The following SEPTIN1 variants were observed in gnomAD, a reference collection of about 807,000 sequenced individuals.
SEPTIN1 encodes septin 1.
SEPTIN1 carries 52 observed loss-of-function variants against 50.7 expected under a neutral mutation model. The observed-to-expected ratio is 1.03, with a 90% confidence interval of 0.82 to 1.29. SEPTIN1 has a LOEUF of 1.29. Among genes scored for constraint, SEPTIN1 ranks in the 50% most tolerant of loss-of-function variants. The pLI is 0.00. For missense variants in SEPTIN1, 455 were observed against 490.7 expected (o/e 0.93, Z 0.69); for synonymous variants, 204 against 189.1 (o/e 1.08, Z -0.65).
intron 9 of SEPTIN1, 27 bp from the exon 10 acceptor site, chr16:30,378,727 AAT>A: frequency 6.3e-6 from 10 of 1,596,560 alleles, no homozygotes; most frequent in Non-Finnish European, 8.5e-6. Flanking sequence ...AGGGGACAGG[AAT>A]CAGGAGCGGG....
At chr16:30,379,555 G>A in intron 7 of SEPTIN1, 21 bp from the exon 8 acceptor site, 1 of 1,584,514 alleles carries the variant, frequency 6.3e-7, no homozygotes, top group South Asian at 1.1e-5. Context: ...GGGGGCAGGG[G>A]TTCACCATTG....
intron 6 of SEPTIN1, chr16:30,380,499 A>G (rs1006090038): frequency 6.4e-6 from 1 of 156,468 alleles, no homozygotes; most frequent in Admixed American, 6.2e-5. Flanking sequence ...ATGGGGTTTT[A>G]CCATGTTGCC....
chr16:30,379,596 G>T (rs907113565), intron 7 of SEPTIN1, 62 bp from the exon 8 acceptor site: 36 of 1,039,276 alleles, frequency 3.5e-5, no homozygotes, highest in Non-Finnish European at 4.5e-5. Flanking sequence ...CTCTTTCCCA[G>T]CTTCAATCTC....
Position 30,378,476 on chromosome 16 carries a change from C to T in SEPTIN1, c.1077G>A (p.Met359Ile), listed in dbSNP as rs1211314160. The T allele has an allele frequency of 6.3e-7, 1 of 1,576,388 alleles. No homozygotes were observed. The highest frequency in any genetic ancestry group is 1.9e-5 in the Admixed American group (1 of 52,656). ...QEMLEKMQAQ[M>I]QQSQAQGEQS... is the part of the protein sequence containing the mutation. ...GCTCGCCCTGGGCCTGGCTCTGCTG[C>T]ATTTGGGCCTGCATCTTCTCCAGCA... Residue 359 changes from methionine (M) to isoleucine (I), a missense_variant, in exon 11 of 11, where the codon ATG becomes ATA. Physicochemically the swap from Met to Ile is conservative, Grantham distance 10. Transcript: ENST00000321367.
At chr16:30,380,188 A>C in intron 6 of SEPTIN1, 155 bp from the exon 7 acceptor site, 1 of 503,002 alleles carries the variant, frequency 2.0e-6, no homozygotes, top group Non-Finnish European at 3.4e-6. Flanking sequence ...ACAGGAAGAC[A>C]AAAACAAAAT....
Position 30,378,691 on chromosome 16 carries a change from G to A in SEPTIN1, c.951C>T (p.Ser317=), listed in dbSNP as rs1450453197. The change falls in exon 10 of 11, where the codon TCC becomes TCT. Residue 317 remains serine, a synonymous_variant. Transcript: ENST00000321367. ...ARDRASRSKL[S]RQSATEIPLP... ...GCGGGATCTCTGTGGCGCTCTGGCGGGAAAGCTTACTGCGGGACAGTGGGA... is the reference window on the plus strand; with the variant it reads ...GCGGGATCTCTGTGGCGCTCTGGCGAGAAAGCTTACTGCGGGACAGTGGGA... 3 of 1,608,026 alleles carry A rather than the reference G, an allele frequency of 1.9e-6. No homozygotes were observed. Among genetic ancestry groups the A allele is most frequent in the Non-Finnish European group, 2.5e-6 (3 of 1,179,830 alleles).
At position 30,382,411 on chromosome 16, in the gene SEPTIN1, A is replaced by G. The variant is rs1211158014; in HGVS notation, c.19-46T>C. The G allele has an allele frequency of 6.4e-7, 1 of 1,571,738 alleles. No homozygotes were observed. Among genetic ancestry groups the G allele is most frequent in the Non-Finnish European group, 8.7e-7 (1 of 1,149,170 alleles). Reference sequence around the variant, plus strand: ...TATGAGGCTGCTGGCAATGGCAGGCAGGGTCCCCAGGATCACTTGAGTTCC... The same window carrying G: ...TATGAGGCTGCTGGCAATGGCAGGCGGGGTCCCCAGGATCACTTGAGTTCC... On this transcript the variant is annotated intron_variant, in intron 1 of 10. Coordinates refer to ENST00000321367, the MANE Select transcript of SEPTIN1 (RefSeq NM_001365977.2). This position sits in a 1 kb window ranked among gnomAD's most constrained non-coding sequence, Gnocchi z 4.8.
Position 30,382,062 on chromosome 16 carries a change from T to C in SEPTIN1, c.196+31A>G. 6.3e-7 allele frequency: 1 copy of C among 1,580,910 alleles called. No homozygotes were observed. The highest frequency in any genetic ancestry group is 8.6e-7 in the Non-Finnish European group (1 of 1,162,110). On this transcript the variant is annotated intron_variant, in intron 3 of 10. Transcript: ENST00000321367. This position sits in a 1 kb window ranked among gnomAD's most constrained non-coding sequence, Gnocchi z 4.8. ...TAGGGTGTAACCTGGGGACAGGGGC[T>C]ACTGCCTCAAGAGGGTGGGGAGGGT...
At position 30,382,339 on chromosome 16, in the gene SEPTIN1, G is replaced by A. The variant is rs4787643; in HGVS notation, c.45C>T (p.Ala15=). ...VMDKEYVGFA[A]LPNQLHRKSV... ...ACTTGCGGTGCAGCTGGTTGGGGAG[G>A]GCAGCAAAACCCACGTACTCCTTGT... Residue 15 remains alanine, a synonymous_variant, in exon 2 of 11, where the codon GCC becomes GCT. Transcript: ENST00000321367. This position sits in a 1 kb window ranked among gnomAD's most constrained non-coding sequence, Gnocchi z 4.8. 0.68 allele frequency: 1,089,923 copies of A among 1,612,400 alleles called. 371,465 individuals are homozygous for A. The highest frequency in any genetic ancestry group is 0.9 in the East Asian group (40,273 of 44,850).
intron 7 of SEPTIN1, 48 bp from the exon 8 acceptor site, chr16:30,379,582 CTT>C: frequency 7.3e-7 from 1 of 1,369,410 alleles, no homozygotes; most frequent in African/African-American, 1.4e-5. Context: ...ACGGCAGAAA[CTT>C]TCTCTTTCCC....
intron 7 of SEPTIN1, 77 bp from the exon 8 acceptor site, chr16:30,379,611 C>G (rs1040489123): frequency 5.3e-6 from 5 of 943,556 alleles, no homozygotes; most frequent in Middle Eastern, 2.1e-4. Flanking sequence ...AATCTCCACA[C>G]CCGCCTCCTC....
Position 30,379,967 on chromosome 16 carries a change from C to A in SEPTIN1, c.640G>T (p.Asp214Tyr). ...GCATCCTGCCTCTTGAAGTCTTCATCTTCATCAGAGTCACATTCGGGGAAC... is the reference window on the plus strand; with the variant it reads ...GCATCCTGCCTCTTGAAGTCTTCATATTCATCAGAGTCACATTCGGGGAAC... ...YQFPECDSDEDEDFKRQDAEM... is the reference protein window; with the variant it reads ...YQFPECDSDEYEDFKRQDAEM... The change falls in exon 7 of 11, where the codon GAT (aspartate) becomes TAT (tyrosine). Residue 214 changes from aspartate (D) to tyrosine (Y), a missense_variant. By Grantham distance (160) the Asp-to-Tyr change is radical (BLOSUM62 -3). Coordinates refer to ENST00000321367, the MANE Select transcript of SEPTIN1 (RefSeq NM_001365977.2). The A allele has an allele frequency of 1.9e-6, 3 of 1,605,708 alleles. No homozygotes were observed. Among genetic ancestry groups the A allele is most frequent in the Non-Finnish European group, 2.6e-6 (3 of 1,172,786 alleles).
At chr16:30,378,902 G>C (rs1597002320) in intron 9 of SEPTIN1, 116 bp downstream of exon 9, 2 of 1,013,308 alleles carry the variant, frequency 2.0e-6, no homozygotes, top group Non-Finnish European at 2.9e-6. Context: ...GAGGGAGGGA[G>C]AGAGAAGTCT....
Position 30,378,620 on chromosome 16 carries a change from TTCTC to T in SEPTIN1, c.1018_1021del (p.Glu340LysfsTer83). 1.2e-6 allele frequency: 2 copies of T among 1,610,934 alleles called. No homozygotes were observed. Among genetic ancestry groups the T allele is most frequent in the Non-Finnish European group, 1.7e-6 (2 of 1,179,832 alleles). ...GAGGTGCGTGCTCACCTCTTCGTCT[TTCTC>T]GCGGATCAGCTTCTCGGTGTCCGCC... On this transcript the variant is annotated frameshift_variant, in exon 10 of 11. Coordinates refer to ENST00000321367, the MANE Select transcript of SEPTIN1 (RefSeq NM_001365977.2). LOFTEE classifies it high-confidence loss of function.
chr16:30,378,193 C>T lies in SEPTIN1; in HGVS notation c.*241G>A, dbSNP rs987724559. On this transcript the variant is annotated 3_prime_UTR_variant, in exon 11 of 11. Transcript: ENST00000321367. ...GAGTCTGGGAGAAGAAGGGGGACTC[C>T]GGAAGACAGTGATGCGGTCGGAGAT... The T allele has an allele frequency of 1.4e-6, 1 of 698,060 alleles. No homozygotes were observed. The allele number at this position is 698,060 out of a possible 1,614,324, so 43.2% of individuals were successfully genotyped here.
chr16:30,378,366 G>A lies in SEPTIN1; in HGVS notation c.*68C>T, dbSNP rs2049779757. On this transcript the variant is annotated 3_prime_UTR_variant, in exon 11 of 11. Transcript: ENST00000321367. ...GGTCCCGGGGGGCGCTGGGCAGTGT[G>A]GGGCGCGGGGATTGGACAAGAGGCC... 2 of 1,414,030 alleles carry A rather than the reference G, an allele frequency of 1.4e-6. No homozygotes were observed. The highest frequency in any genetic ancestry group is 1.9e-6 in the Non-Finnish European group (2 of 1,060,558). The allele number at this position is 1,414,030 out of a possible 1,614,324, so 87.6% of individuals were successfully genotyped here.
Position 30,381,830 on chromosome 16 carries a change from CT to C in SEPTIN1, c.249del (p.Gly85ValfsTer2). The C allele has an allele frequency of 6.2e-7, 1 of 1,614,210 alleles. No homozygotes were observed. Among genetic ancestry groups the C allele is most frequent in the Non-Finnish European group, 8.5e-7 (1 of 1,180,026 alleles). ...AIERRGVEIE[E>X]GGVKVKLTLV... is the part of the protein sequence containing the mutation. ...AGGGTCAGCTTCACTTTCACACCCC[CT>C]TCCTCAATCTCTACGCCCCGGCGCT... On this transcript the variant is annotated frameshift_variant, in exon 4 of 11. Transcript: ENST00000321367. LOFTEE classifies it high-confidence loss of function. The surrounding 1 kb of genome is among the most constrained non-coding windows in gnomAD (Gnocchi z 4.3).
In SEPTIN1 at chr16:30,378,529, G is replaced by A; in HGVS notation, c.1033-9C>T. 2 of 1,598,962 alleles carry A rather than the reference G, an allele frequency of 1.3e-6. No homozygotes were observed. The highest frequency in any genetic ancestry group is 1.3e-5 in the African/African-American group (1 of 74,552). On this transcript the variant is annotated splice_polypyrimidine_tract_variant and intron_variant, in intron 10 of 10. Coordinates refer to ENST00000321367, the MANE Select transcript of SEPTIN1 (RefSeq NM_001365977.2). The stretch of plus-strand genomic sequence containing the variant: ...TCTTGCATGCGGCGCAGCTGTGCAG[G>A]GCGAGATTGCAGGCGGTGACCTGGC...
Position 30,381,575 on chromosome 16 carries a change from C to G in SEPTIN1, c.321-102G>C. On this transcript the variant is annotated intron_variant, in intron 4 of 10. Coordinates refer to ENST00000321367, the MANE Select transcript of SEPTIN1 (RefSeq NM_001365977.2). The surrounding 1 kb of genome is among the most constrained non-coding windows in gnomAD (Gnocchi z 4.3). ...AGTAGAATGTCATTTCTTTGGCTCC[C>G]TCCAAAGACATTAAGGGGAACTGGT... 6.6e-7 allele frequency: 1 copy of G among 1,511,498 alleles called. No homozygotes were observed. Among genetic ancestry groups the G allele is most frequent in the South Asian group, 1.2e-5 (1 of 83,804 alleles). 93.6% of individuals were successfully genotyped at this position (1,511,498 alleles called of 1,614,324 possible).
Sources: gnomAD v4.1 joint callset for allele counts on GRCh38, gnomAD v4.1.1 for gene constraint, Gnocchi (gnomAD v3.1) non-coding constraint, MANE v1.5 for transcripts, NCBI Gene and HGNC (gene_info 2026-07-23, HGNC 2026-07-21) for gene names.